The following LAMA2 variants were observed in gnomAD, a reference collection of about 807,000 sequenced individuals.
The protein encoded by LAMA2 is laminin subunit alpha 2.
LAMA2 carries 269 observed loss-of-function variants against 364.8 expected under a neutral mutation model. The observed-to-expected ratio is 0.74, with a 90% CI of 0.67 to 0.82. The LOEUF is 0.82. LAMA2 is among the 40% of genes least tolerant of loss of function. The pLI, the probability that LAMA2 is intolerant of heterozygous loss-of-function variation, is 0.00. For missense variants in LAMA2, 3,807 were observed against 3,873.2 expected, an observed-to-expected ratio of 0.98 and a Z score of 0.45; for synonymous variants, 1,379 against 1,370.6, an observed-to-expected ratio of 1.01 and a Z score of -0.14.
chr6:129,359,873 G>A (rs969566518), intron 32 of LAMA2, among the ~76,000 whole-genome samples: 1 of 152,062 alleles, frequency 6.6e-6, no homozygotes, highest in East Asian at 1.9e-4. Flanking sequence ...AATCCTGGTA[G>A]AAATGCAGTA....
At chr6:128,938,006 T>C (rs1458502408) in intron 1 of LAMA2, among the ~76,000 whole-genome samples, 3 of 152,148 alleles carry the variant, frequency 2.0e-5, no homozygotes, top group African/African-American at 2.4e-5. Flanking sequence ...CAAGATACTT[T>C]TGATTTCTCT....
chr6:128,901,847 C>G (rs1777102685), intron 1 of LAMA2, among the ~76,000 whole-genome samples: 1 of 152,136 alleles, frequency 6.6e-6, no homozygotes, highest in Non-Finnish European at 1.5e-5. Flanking sequence ...TTCATAATGT[C>G]TTTTCAATCA....
At chr6:129,256,479 G>A (rs556508604) in intron 14 of LAMA2, among the ~76,000 whole-genome samples, 29 of 152,090 alleles carry the variant, frequency 1.9e-4, no homozygotes, top group Admixed American at 8.5e-4. Flanking sequence ...GCATTGTACA[G>A]TAGAGAAGAC....
At chr6:129,244,435 T>G (rs549321638) in intron 12 of LAMA2, among the ~76,000 whole-genome samples, 1 of 152,262 alleles carries the variant, frequency 6.6e-6, no homozygotes, top group African/African-American at 2.4e-5. Flanking sequence ...TTGCCCTGTT[T>G]GTGATCCTAA....
At chr6:129,370,379 A>G (rs749107038) in intron 34 of LAMA2, among the ~76,000 whole-genome samples, 33 of 152,238 alleles carry the variant, frequency 2.2e-4, no homozygotes, top group Non-Finnish European at 4.3e-4. Flanking sequence ...TTGCATTAGT[A>G]TAGAAATACA....
intron 42 of LAMA2, among the ~76,000 whole-genome samples, chr6:129,440,365 T>TAAATACAC (rs61119913): frequency 0.025 from 3,833 of 152,146 alleles, 163 homozygotes; most frequent in African/African-American, 0.087. Flanking sequence ...AAAACAAGTA[T>TAAATACAC]AAATGCATGG....
intron 12 of LAMA2, among the ~76,000 whole-genome samples, chr6:129,211,679 A>G (rs1783108931): frequency 6.6e-6 from 1 of 152,206 alleles, no homozygotes; most frequent in African/African-American, 2.4e-5. Context: ...CCTTCTAGTC[A>G]TCATTCAAAA....
chr6:129,172,460 G>T (rs375147734), intron 9 of LAMA2, among the ~76,000 whole-genome samples: 11 of 151,732 alleles, frequency 7.2e-5, no homozygotes, highest in Non-Finnish European at 2.9e-5. Context: ...TGCCCCTGCT[G>T]GGGGGTGCCT....
intron 1 of LAMA2, among the ~76,000 whole-genome samples, chr6:128,904,834 G>A (rs985483334): frequency 3.9e-5 from 6 of 152,124 alleles, no homozygotes; most frequent in Admixed American, 3.3e-4. Context: ...GCATCTGAAG[G>A]CCAGAATATA....
At chr6:129,439,995 TA>T (rs1782026270) in intron 42 of LAMA2, among the ~76,000 whole-genome samples, 1 of 151,984 alleles carries the variant, frequency 6.6e-6, no homozygotes, top group Non-Finnish European at 1.5e-5. Flanking sequence ...CTTCTGTGTA[TA>T]ACATAAGTTA....
At chr6:129,078,667 TAACA>T (rs528695713) in intron 3 of LAMA2, among the ~76,000 whole-genome samples, 22 of 152,272 alleles carry the variant, frequency 1.4e-4, no homozygotes, top group Non-Finnish European at 2.9e-4. Context: ...TAAAATGACA[TAACA>T]AACAATTTTT....
At chr6:128,891,994 T>G (rs563423150) in intron 1 of LAMA2, among the ~76,000 whole-genome samples, 1 of 152,114 alleles carries the variant, frequency 6.6e-6, no homozygotes, top group Admixed American at 6.5e-5. Flanking sequence ...CGGAGTTAAA[T>G]TTTCTATTCG....
rs779467311 is a variant in LAMA2 at position 129,291,726 on chromosome 6, G to A, written c.2856+6G>A. 2 of 1,584,420 alleles carry A rather than the reference G, an allele frequency of 1.3e-6. No homozygotes were observed. Among genetic ancestry groups the A allele is most frequent in the Admixed American group, 1.7e-5 (1 of 59,960 alleles). ...AGAGATGTGACAAATGCAAGGTAAG[G>A]AGTAGAGGCTGACCCATAAATTACT... On this transcript the variant is annotated splice_donor_region_variant and intron_variant, in intron 20 of 64. Coordinates refer to ENST00000421865, the MANE Select transcript of LAMA2 (RefSeq NM_000426.4).
intron 9 of LAMA2, among the ~76,000 whole-genome samples, chr6:129,166,510 C>T (rs1002853298): frequency 1.3e-5 from 2 of 152,084 alleles, no homozygotes; most frequent in Non-Finnish European, 2.9e-5. Flanking sequence ...TCAATCTGAG[C>T]ATTACATGTA....
chr6:129,159,428 G>A (rs1779327042), intron 8 of LAMA2, among the ~76,000 whole-genome samples: 2 of 152,186 alleles, frequency 1.3e-5, no homozygotes, highest in African/African-American at 2.4e-5. Flanking sequence ...CCAGCGTGCC[G>A]AGGCGCAGGC....
rs777450345 is a variant in LAMA2, at chr6:129,403,816, A to G, written c.5727-5A>G. The stretch of plus-strand genomic sequence containing the variant: ...TGACATTCCTTTTTTGAATCATCCC[A>G]CCAGAATCCTTGATGAGGCTAAAAA... On this transcript the variant is annotated splice_polypyrimidine_tract_variant and splice_region_variant and intron_variant, in intron 39 of 64. Coordinates refer to ENST00000421865, the MANE Select transcript of LAMA2 (RefSeq NM_000426.4). 3.1e-6 allele frequency: 5 copies of G among 1,612,764 alleles called. No homozygotes were observed. Among genetic ancestry groups the G allele is most frequent in the Non-Finnish European group, 4.2e-6 (5 of 1,179,190 alleles).
At chr6:128,938,974 AC>A (rs1356550893) in intron 1 of LAMA2, among the ~76,000 whole-genome samples, 1 of 152,114 alleles carries the variant, frequency 6.6e-6, no homozygotes, top group African/African-American at 2.4e-5. Context: ...TTCCACTTAG[AC>A]TTTCACTACT....
chr6:128,974,881 T>C (rs2114624936), intron 1 of LAMA2, among the ~76,000 whole-genome samples: 1 of 150,816 alleles, frequency 6.6e-6, no homozygotes, highest in South Asian at 2.1e-4. Context: ...AGAAGGAGTC[T>C]CACTCTGTTG....
intron 32 of LAMA2, among the ~76,000 whole-genome samples, chr6:129,364,550 G>GT (rs1777652622): frequency 6.6e-6 from 1 of 152,108 alleles, no homozygotes; most frequent in Non-Finnish European, 1.5e-5. Context: ...AAATATACAT[G>GT]TTTTTTAAAT....
Sources: gnomAD v4.1 joint callset for allele counts (sites outside exome capture counted in the v4.1 genomes callset) on GRCh38, gnomAD v4.1.1 for gene constraint, MANE v1.5 for transcripts, NCBI Gene and HGNC (gene_info 2026-07-23, HGNC 2026-07-21) for gene names.